Variants in CD84 observed in about 807,000 individuals in gnomAD.
CD84 encodes CD84 molecule, also known as SLAM family member 5.
In CD84, 22 loss-of-function variants were observed where a neutral mutation model predicts 33.8. That is an observed-to-expected ratio of 0.65 (90% CI 0.46 to 0.93). The LOEUF (loss-of-function observed/expected upper bound fraction) is 0.93. Among genes scored for constraint, CD84 ranks in the 40% least tolerant of loss-of-function variants. The probability of loss-of-function intolerance (pLI) is 0.00; values close to 1 mark genes in which losing one functional copy is unlikely to be tolerated. For missense variants in CD84, 400 were observed against 397.6 expected (o/e 1.01, Z -0.05); for synonymous variants, 154 against 145.2 (o/e 1.06, Z -0.44).
At chr1:160,550,663 C>A in intron 5 of CD84, 1 of 985,402 alleles carries the variant, frequency 1.0e-6, no homozygotes, top group Non-Finnish European at 1.2e-6. Context: ...CGCCTTGCTC[C>A]TAGTCATGGC....
chr1:160,556,081 T>C (rs940460195), intron 2 of CD84, among the ~76,000 whole-genome samples: 39 of 152,296 alleles, frequency 2.6e-4, no homozygotes, highest in African/African-American at 9.4e-4. Context: ...AAATTTGATT[T>C]ACAAAAATGC....
chr1:160,547,153 C>T lies in CD84; in HGVS notation c.*1103G>A. The T allele has an allele frequency of 2.5e-6, 1 of 398,938 alleles. No homozygotes were observed. Among genetic ancestry groups the T allele is most frequent in the Non-Finnish European group, 4.4e-6 (1 of 226,082 alleles). The allele number at this position is 398,938 out of a possible 1,614,324, so 24.7% of individuals were successfully genotyped here. Reference sequence around the variant, plus strand: ...TTTGTGGGGCATGCCAGGGTGGCGGCACTCTGCCTCAGCTTAAACTCTAGT... The same window carrying T: ...TTTGTGGGGCATGCCAGGGTGGCGGTACTCTGCCTCAGCTTAAACTCTAGT... On this transcript the variant is annotated 3_prime_UTR_variant, in exon 7 of 7. Transcript: ENST00000368054.
intron 1 of CD84, among the ~76,000 whole-genome samples, chr1:160,578,432 G>A (rs1236240762): frequency 1.3e-5 from 2 of 152,092 alleles, no homozygotes; most frequent in Non-Finnish European, 2.9e-5. Context: ...CAAATTAAAG[G>A]AGCCATAGCT....
intron 1 of CD84, among the ~76,000 whole-genome samples, chr1:160,578,391 T>C (rs1658099674): frequency 6.6e-6 from 1 of 152,152 alleles, no homozygotes. Context: ...AAAAATTTGG[T>C]CTGACTAGTG....
At chr1:160,577,626 G>T (rs1314716682) in intron 1 of CD84, among the ~76,000 whole-genome samples, 1 of 152,134 alleles carries the variant, frequency 6.6e-6, no homozygotes, top group Non-Finnish European at 1.5e-5. Flanking sequence ...GAGGAGTCCT[G>T]CCCAGGATCT....
In CD84 at chr1:160,565,517, T is replaced by C; in HGVS notation, c.275A>G (p.Tyr92Cys). ...YERIHALGPN[Y>C]NLVISDLRME... ...CCTCAGATCGCTAATGACCAGATTG[T>C]AGTTCGGACCTAAGGCATGTATCCG... The change falls in exon 2 of 7, where the codon TAC (tyrosine) becomes TGC (cysteine). Residue 92 changes from tyrosine to cysteine, a missense_variant. Physicochemically the swap from Tyr to Cys is radical, Grantham distance 194. Coordinates refer to ENST00000368054, the MANE Select transcript of CD84 (RefSeq NM_003874.4). 1.2e-6 allele frequency: 2 copies of C among 1,614,020 alleles called. No individual in the cohort carries two copies. The highest frequency in any genetic ancestry group is 1.3e-5 in the African/African-American group (1 of 75,038).
In CD84 at chr1:160,551,045, A is replaced by T; in HGVS notation, c.761-10T>A. On this transcript the variant is annotated splice_polypyrimidine_tract_variant and intron_variant, in intron 4 of 6. Coordinates refer to ENST00000368054, the MANE Select transcript of CD84 (RefSeq NM_003874.4). The stretch of plus-strand genomic sequence containing the variant: ...TTCTTTGAGGCAGCATCTGTCTCAC[A>T]AATAAATATAGACCCACAGTCTGTG... 2 of 1,591,190 alleles carry T rather than the reference A, an allele frequency of 1.3e-6. No individual in the cohort carries two copies. Among genetic ancestry groups the T allele is most frequent in the Non-Finnish European group, 1.7e-6 (2 of 1,159,054 alleles).
chr1:160,565,336 A>G (rs1657251753), intron 2 of CD84, 68 bp downstream of exon 2: 2 of 1,157,648 alleles, frequency 1.7e-6, no homozygotes, highest in African/African-American at 3.1e-5. Context: ...AGAAATGTAG[A>G]TGTGTTTCAG....
At chr1:160,569,552 ACG>A (rs1179103607) in intron 1 of CD84, among the ~76,000 whole-genome samples, 2 of 150,828 alleles carry the variant, frequency 1.3e-5, no homozygotes, top group Non-Finnish European at 2.9e-5. Context: ...GCACGCACGC[ACG>A]CACGCACACA....
At position 160,565,620 on chromosome 1, in the gene CD84, T is replaced by G. The variant is rs1483984019; in HGVS notation, c.172A>C (p.Thr58Pro). The G allele has an allele frequency of 1.9e-6, 3 of 1,613,880 alleles. No individual in the cohort carries two copies. The Admixed American group carries it at 5.0e-5, about 27-fold the overall frequency. ...CCTGGTGTTACATAAGCAACAGATG[T>G]TTTAGAAGTCCAAGCAATGATTTTA... is the stretch of plus-strand genomic sequence containing the variant. ...QVKIIAWTSKTSVAYVTPGDS... is the reference protein window; with the variant it reads ...QVKIIAWTSKPSVAYVTPGDS... Residue 58 changes from threonine to proline, a missense_variant, in exon 2 of 7, where the codon ACA becomes CCA. Coordinates refer to ENST00000368054, the MANE Select transcript of CD84 (RefSeq NM_003874.4).
In CD84 at chr1:160,546,885, G is replaced by A. The variant is rs1655860171; in HGVS notation, c.*1371C>T. ...TTGCAGCTCCTAACATAGTGCTAATGGTAGTTGGTGCTAGATGAGTCTATG... is the reference window on the plus strand; with the variant it reads ...TTGCAGCTCCTAACATAGTGCTAATAGTAGTTGGTGCTAGATGAGTCTATG... On this transcript the variant is annotated 3_prime_UTR_variant, in exon 7 of 7. Coordinates refer to ENST00000368054, the MANE Select transcript of CD84 (RefSeq NM_003874.4). The A allele has an allele frequency of 5.4e-6, 2 of 373,382 alleles. No individual in the cohort carries two copies. Among genetic ancestry groups the A allele is most frequent in the Admixed American group, 9.1e-5 (2 of 21,954 alleles). 23.1% of individuals were successfully genotyped at this position (373,382 alleles called of 1,614,324 possible).
intron 1 of CD84, among the ~76,000 whole-genome samples, chr1:160,571,737 C>T (rs1239677891): frequency 6.6e-6 from 1 of 152,152 alleles, no homozygotes; most frequent in Non-Finnish European, 1.5e-5. Context: ...AGGTTAGATG[C>T]TCCTGCTCAT....
chr1:160,549,481 G>A (rs555343367), intron 6 of CD84, among the ~76,000 whole-genome samples: 1 of 152,318 alleles, frequency 6.6e-6, no homozygotes, highest in East Asian at 1.9e-4. Flanking sequence ...GCTGCGTGTG[G>A]TAAAAGAGCA....
chr1:160,573,287 G>C (rs1657804666), intron 1 of CD84, among the ~76,000 whole-genome samples: 1 of 152,134 alleles, frequency 6.6e-6, no homozygotes, highest in Non-Finnish European at 1.5e-5. Context: ...GTTTTGGGTG[G>C]AATCCAAAGT....
chr1:160,575,990 C>T (rs1329054573), intron 1 of CD84, among the ~76,000 whole-genome samples: 1 of 152,154 alleles, frequency 6.6e-6, no homozygotes, highest in African/African-American at 2.4e-5. Flanking sequence ...GCAGTTTTAC[C>T]CATATGTAAT....
At position 160,547,517 on chromosome 1, in the gene CD84, A is replaced by G. The variant is rs909764938; in HGVS notation, c.*739T>C. The G allele has an allele frequency of 4.8e-5, 11 of 230,580 alleles. No individual in the cohort carries two copies. The highest frequency in any genetic ancestry group is 7.5e-5 in the Non-Finnish European group (9 of 119,748). 14.3% of individuals were successfully genotyped at this position (230,580 alleles called of 1,614,324 possible). A position where few individuals can be genotyped will look rare whatever the true frequency, so the allele number is the denominator to read the frequency against. ...CAGAAAGAACATTTTCCAACACTCCATTTGGAGAGTGTGTCTACATGGCTG... is the reference window on the plus strand; with the variant it reads ...CAGAAAGAACATTTTCCAACACTCCGTTTGGAGAGTGTGTCTACATGGCTG... On this transcript the variant is annotated 3_prime_UTR_variant, in exon 7 of 7. Transcript: ENST00000368054.
Position 160,548,321 on chromosome 1 carries a change from T to A in CD84, c.922A>T (p.Met308Leu). 6.2e-7 allele frequency: 1 copy of A among 1,614,182 alleles called. No individual in the cohort carries two copies. The highest frequency in any genetic ancestry group is 8.5e-7 in the Non-Finnish European group (1 of 1,180,024). ...VYSEVQFADKMGKASTQDSKP... is the reference protein window; with the variant it reads ...VYSEVQFADKLGKASTQDSKP... ...CTGTCCTGTGTGCTGGCTTTCCCCA[T>A]CTGTGCAGGAGAGAAGCGTGAGAAA... Residue 308 changes from methionine (M) to leucine (L), a missense_variant and splice_region_variant, in exon 7 of 7, where the codon ATG (methionine) becomes TTG (leucine). By Grantham distance (15) the Met-to-Leu change is conservative. Coordinates refer to ENST00000368054, the MANE Select transcript of CD84 (RefSeq NM_003874.4).
In CD84 at chr1:160,565,426, C is replaced by T. The variant is rs1181929487; in HGVS notation, c.366G>A (p.Lys122=). Residue 122 remains lysine (K), a synonymous_variant, in exon 2 of 7, where the codon AAG becomes AAA. Coordinates refer to ENST00000368054, the MANE Select transcript of CD84 (RefSeq NM_003874.4). ...NTQADPYTTT[K]RYNLQIYRRL... ...TACGATAGATTTGCAGGTTGTAGCG[C>T]TTGGTGGTGGTGTAGGGATCAGCCT... is the stretch of plus-strand genomic sequence containing the variant. The T allele has an allele frequency of 1.2e-6, 2 of 1,607,470 alleles. No homozygotes were observed. Among genetic ancestry groups the T allele is most frequent in the East Asian group, 4.5e-5 (2 of 44,796 alleles).
chr1:160,560,401 G>T (rs1207280450), intron 2 of CD84, among the ~76,000 whole-genome samples: 1 of 152,034 alleles, frequency 6.6e-6, no homozygotes, highest in Non-Finnish European at 1.5e-5. Context: ...TGACTCTTGG[G>T]TAAACAATGA....
Sources: allele counts gnomAD v4.1 joint callset (sites outside exome capture counted in the v4.1 genomes callset), GRCh38; gene constraint gnomAD v4.1.1; transcripts MANE v1.5; gene names NCBI Gene and HGNC (gene_info 2026-07-23, HGNC 2026-07-21).